The following CSK variants were observed in gnomAD, a reference collection of about 807,000 sequenced individuals.
CSK encodes the protein tyrosine-protein kinase CSK.
Under a neutral mutation model 62.3 loss-of-function variants are expected in CSK, and 7 were observed. That is an observed-to-expected ratio of 0.11 (90% CI 0.06 to 0.21). CSK has a LOEUF of 0.21. Among genes scored for constraint, CSK ranks in the 10% least tolerant of loss-of-function variants. The pLI is 1.00. For synonymous variants in CSK, 237 were observed against 246.0 expected, an observed-to-expected ratio of 0.96 and a Z score of 0.34; for missense variants, 294 against 613.5, an observed-to-expected ratio of 0.48 and a Z score of 5.50.
At chr15:74,789,873 A>C (rs1202388846) in intron 1 of CSK, among the ~76,000 whole-genome samples, 2 of 152,222 alleles carry the variant, frequency 1.3e-5, no homozygotes, top group Non-Finnish European at 2.9e-5. Context: ...CCAGGAGGAC[A>C]GGAGCCGGGT....
intron 9 of CSK, 105 bp downstream of exon 9, chr15:74,801,207 T>C (rs1228767278): frequency 7.8e-7 from 1 of 1,275,074 alleles, no homozygotes; most frequent in Non-Finnish European, 1.1e-6. Context: ...CAAGTGAGCT[T>C]TTAGGTCACC....
intron 1 of CSK, among the ~76,000 whole-genome samples, chr15:74,792,288 T>C (rs1338512888): frequency 6.6e-6 from 1 of 152,004 alleles, no homozygotes; most frequent in Non-Finnish European, 1.5e-5. Context: ...ACCCCCAAGG[T>C]TGAGTGGAAG....
intron 1 of CSK, among the ~76,000 whole-genome samples, chr15:74,794,959 C>T (rs2063682683): frequency 6.6e-6 from 1 of 152,150 alleles, no homozygotes; most frequent in Admixed American, 6.5e-5. Flanking sequence ...TGAAACCATC[C>T]CCTACAGTGT....
chr15:74,799,761 C>G (rs1245005740), intron 5 of CSK, among the ~76,000 whole-genome samples: 1 of 152,200 alleles, frequency 6.6e-6, no homozygotes, highest in Non-Finnish European at 1.5e-5. Context: ...GGGGACCCAC[C>G]TGAGGTCCCA....
chr15:74,801,293 C>G (rs1196811637), intron 9 of CSK, among the ~76,000 whole-genome samples, 191 bp downstream of exon 9: 1 of 152,232 alleles, frequency 6.6e-6, no homozygotes, highest in East Asian at 1.9e-4. Context: ...CAAGCCTCAG[C>G]ATCACATCTG....
chr15:74,788,422 C>G (rs1567214956), intron 1 of CSK: 1 of 152,430 alleles, frequency 6.6e-6, no homozygotes, highest in East Asian at 1.9e-4. Flanking sequence ...AGTACCCACA[C>G]AGCTAGTTCC....
At chr15:74,794,671 C>CT (rs1397241956) in intron 1 of CSK, among the ~76,000 whole-genome samples, 1 of 152,142 alleles carries the variant, frequency 6.6e-6, no homozygotes, top group Non-Finnish European at 1.5e-5. Flanking sequence ...GATACCTGTC[C>CT]TCCCCTTCAG....
In CSK at chr15:74,798,100, G is replaced by A. The variant is rs1264482954; in HGVS notation, c.-65-133G>A. On this transcript the variant is annotated intron_variant, in intron 1 of 12. Coordinates refer to ENST00000220003, the MANE Select transcript of CSK (RefSeq NM_004383.3). The surrounding 1 kb of genome is among the most constrained non-coding windows in gnomAD (Gnocchi z 6.6). ...GTACCGTCAGCCTGCCAGGACTGGAGAGAATGGCCCATGTGTCAAATCCCA... is the reference window on the plus strand; with the variant it reads ...GTACCGTCAGCCTGCCAGGACTGGAAAGAATGGCCCATGTGTCAAATCCCA... 1.7e-6 allele frequency: 1 copy of A among 588,890 alleles called. No individual in the cohort carries two copies. The highest frequency in any genetic ancestry group is 3.0e-6 in the Non-Finnish European group (1 of 335,594). 36.5% of individuals were successfully genotyped at this position (588,890 alleles called of 1,614,324 possible).
chr15:74,787,808 C>T (rs891735813), intron 1 of CSK, among the ~76,000 whole-genome samples: 1 of 152,228 alleles, frequency 6.6e-6, no homozygotes, highest in Middle Eastern at 3.2e-3. Context: ...TCATCTGCCC[C>T]CCTTGGACCC....
chr15:74,792,946 C>T (rs1467597242), intron 1 of CSK: 1 of 152,220 alleles, frequency 6.6e-6, no homozygotes, highest in African/African-American at 2.4e-5. Context: ...TAACTATAGT[C>T]CCTTTGGGGT....
Position 74,801,684 on chromosome 15 carries a change from C to A in CSK, c.888-11C>A, listed in dbSNP as rs369572978. On this transcript the variant is annotated splice_polypyrimidine_tract_variant and intron_variant, in intron 10 of 12. Transcript: ENST00000220003. ...CCAGTCTGAGGGGACATGTGGCTGG[C>A]CTACCCCCAGAGATGTCTGCGAGGC... 9.9e-6 allele frequency: 16 copies of A among 1,609,980 alleles called. No individual in the cohort carries two copies. Among genetic ancestry groups the A allele is most frequent in the Non-Finnish European group, 1.4e-5 (16 of 1,177,150 alleles).
chr15:74,785,973 G>C (rs927655761), intron 1 of CSK, among the ~76,000 whole-genome samples: 2 of 133,346 alleles, frequency 1.5e-5, no homozygotes, highest in Non-Finnish European at 3.5e-5. Flanking sequence ...GAGCTAAATA[G>C]ACAAGGCCTC....
chr15:74,787,552 C>T (rs1010499375), intron 1 of CSK, among the ~76,000 whole-genome samples: 3 of 152,188 alleles, frequency 2.0e-5, no homozygotes, highest in Non-Finnish European at 4.4e-5. Flanking sequence ...GGGCCCTGTG[C>T]AGCCCAGCCT....
chr15:74,801,602 G>A lies in CSK; in HGVS notation c.887+7G>A. The A allele has an allele frequency of 6.2e-7, 1 of 1,613,784 alleles. No individual in the cohort carries two copies. The highest frequency in any genetic ancestry group is 8.5e-7 in the Non-Finnish European group (1 of 1,179,792). Reference sequence around the variant, plus strand: ...GTCTCCTCAAGTTCTCGCTGTGAGTGAAGCAGCCTCTTGGATGGGTAGGGT... The same window carrying A: ...GTCTCCTCAAGTTCTCGCTGTGAGTAAAGCAGCCTCTTGGATGGGTAGGGT... On this transcript the variant is annotated splice_region_variant and intron_variant, in intron 10 of 12. Coordinates refer to ENST00000220003, the MANE Select transcript of CSK (RefSeq NM_004383.3).
Position 74,801,518 on chromosome 15 carries a change from C to A in CSK, c.814-4C>A. ...TCGGCCTGGTCTGTCCTTCCTGCCC[C>A]CAGGGGAGCCTTGTGGACTACCTGC... On this transcript the variant is annotated splice_polypyrimidine_tract_variant and splice_region_variant and intron_variant, in intron 9 of 12. Transcript: ENST00000220003. 1 of 1,611,850 alleles carries A rather than the reference C, an allele frequency of 6.2e-7. No homozygotes were observed. The highest frequency in any genetic ancestry group is 8.5e-7 in the Non-Finnish European group (1 of 1,178,594).
intron 1 of CSK, among the ~76,000 whole-genome samples, chr15:74,786,341 C>A (rs1016063075): frequency 6.6e-6 from 1 of 152,104 alleles, no homozygotes; most frequent in African/African-American, 2.4e-5. Flanking sequence ...TGGCTGCCTC[C>A]TGCCTCCCAG....
rs1476394352 is a variant in CSK, at chr15:74,802,731, C to T, written c.*218C>T. On this transcript the variant is annotated 3_prime_UTR_variant, in exon 13 of 13. Coordinates refer to ENST00000220003, the MANE Select transcript of CSK (RefSeq NM_004383.3). Reference sequence around the variant, plus strand: ...GAGGGGCCAGGGAGGAAGGAGGCCACGGAGCGGGAGGCAGCGCCCCACCAC... The same window carrying T: ...GAGGGGCCAGGGAGGAAGGAGGCCATGGAGCGGGAGGCAGCGCCCCACCAC... The T allele has an allele frequency of 7.4e-6, 4 of 539,292 alleles. No individual in the cohort carries two copies. The highest frequency in any genetic ancestry group is 1.2e-5 in the Non-Finnish European group (4 of 322,338). The allele number at this position is 539,292 out of a possible 1,614,324, so 33.4% of individuals were successfully genotyped here. A position where few individuals can be genotyped will look rare whatever the true frequency, so the allele number is the denominator to read the frequency against.
intron 1 of CSK, among the ~76,000 whole-genome samples, chr15:74,784,080 T>C (rs1479223291): frequency 6.6e-6 from 1 of 152,182 alleles, no homozygotes; most frequent in African/African-American, 2.4e-5. Flanking sequence ...AGGGGTGAGG[T>C]TGAGGCCTGG....
intron 5 of CSK, among the ~76,000 whole-genome samples, chr15:74,799,960 G>A (rs985323652): frequency 6.6e-6 from 1 of 152,152 alleles, no homozygotes; most frequent in African/African-American, 2.4e-5. Context: ...CAGCTTCCCA[G>A]GCCAGCTCTG....
Sources: gnomAD v4.1 joint callset for allele counts (sites outside exome capture counted in the v4.1 genomes callset) on GRCh38, gnomAD v4.1.1 for gene constraint, Gnocchi (gnomAD v3.1) non-coding constraint, MANE v1.5 for transcripts, NCBI Gene and HGNC (gene_info 2026-07-23, HGNC 2026-07-21) for gene names.